The following ANO1 variants were observed in gnomAD, a reference collection of about 807,000 sequenced individuals.
ANO1 encodes anoctamin 1.
Under a neutral mutation model 124.0 loss-of-function variants are expected in ANO1, and 59 were observed. That is an observed-to-expected ratio of 0.48 (90% CI 0.39 to 0.59). The LOEUF (loss-of-function observed/expected upper bound fraction) is 0.59, where lower values mean the gene tolerates loss of function less well. Ranked by LOEUF, ANO1 falls within the 20% of genes least tolerant of loss-of-function variation. The pLI is 0.00. For missense variants in ANO1, 1,059 were observed against 1,328.0 expected (o/e 0.80, Z 3.15); for synonymous variants, 529 against 532.0 (o/e 0.99, Z 0.08).
intron 1 of ANO1, among the ~76,000 whole-genome samples, chr11:70,059,935 T>C (rs1256677201): frequency 7.3e-6 from 1 of 136,684 alleles, no homozygotes; most frequent in Non-Finnish European, 1.6e-5. Context: ...TATTAGCGGG[T>C]GTGGAGGCGT....
chr11:70,130,857 G>A (rs75444586), intron 10 of ANO1, among the ~76,000 whole-genome samples: 1,716 of 152,300 alleles, frequency 0.011, 40 homozygotes, highest in African/African-American at 0.038. Context: ...CCCAGCCCCC[G>A]TTCTCCCAGA....
At position 70,188,820 on chromosome 11, in the gene ANO1, T is replaced by C. The variant is rs1221495046; in HGVS notation, c.*816T>C. On this transcript the variant is annotated 3_prime_UTR_variant, in exon 26 of 26. Transcript: ENST00000355303. ...ATGACCTCGGAAGCATTTCCACAGA[T>C]GGTGTCAGGGTTTCAAGAAGTCTTA... The C allele has an allele frequency of 6.6e-6, 1 of 151,722 alleles. No homozygotes were observed. Among genetic ancestry groups the C allele is most frequent in the Non-Finnish European group, 1.5e-5 (1 of 67,828 alleles). 9.4% of individuals were successfully genotyped at this position (151,722 alleles called of 1,614,324 possible). A position where few individuals can be genotyped will look rare whatever the true frequency, so the allele number is the denominator to read the frequency against.
chr11:69,969,394 G>A, the ANO1 span, among the ~76,000 whole-genome samples: 3 of 152,200 alleles, frequency 2.0e-5, no homozygotes, highest in Non-Finnish European at 4.4e-5. Flanking sequence ...TCTGCACTCA[G>A]CTCTCTCTTC....
At chr11:69,979,574 G>T in the ANO1 span, among the ~76,000 whole-genome samples, 3 of 152,126 alleles carry the variant, frequency 2.0e-5, no homozygotes, top group East Asian at 3.9e-4. Context: ...CATTGCCCAG[G>T]CTCTCTGAGC....
chr11:70,183,406 C>T lies in ANO1; in HGVS notation c.2588+720C>T, dbSNP rs117227026. ...ATCCAGGGACTGAGTCTTACTGCCC[C>T]ATCTTGGGTCAGATGTCCATTCTTG... On this transcript the variant is annotated intron_variant, in intron 24 of 25. Coordinates refer to ENST00000355303, the MANE Select transcript of ANO1 (RefSeq NM_018043.7). 2.5e-3 allele frequency among the ~76,000 whole-genome samples: 375 copies of T among 152,334 alleles called. 3 individuals carry two copies. In the East Asian group the frequency reaches 0.027, roughly 11 times the overall value.
chr11:70,067,546 T>C (rs1282541169), intron 1 of ANO1, among the ~76,000 whole-genome samples: 1 of 152,222 alleles, frequency 6.6e-6, no homozygotes, highest in East Asian at 1.9e-4. Flanking sequence ...CAGGCTGGTC[T>C]TGAACTCCCG....
At chr11:70,142,340 C>T (rs2047184953) in intron 11 of ANO1, among the ~76,000 whole-genome samples, 1 of 152,284 alleles carries the variant, frequency 6.6e-6, no homozygotes, top group East Asian at 1.9e-4. Flanking sequence ...TGACAAGTCA[C>T]CCAGCTGAGT....
At position 70,027,628 on chromosome 11, in the gene ANO1, C is replaced by T. The variant is rs1392315275; in HGVS notation, c.58+41462C>T. Among the ~76,000 whole-genome samples, 12 of 152,200 alleles carry T rather than the reference C, an allele frequency of 7.9e-5. 1 individual carries two copies. Among genetic ancestry groups the T allele is most frequent in the Admixed American group, 3.9e-4 (6 of 15,288 alleles). ...AACAGGATCTCGCACACAGTAGGTC[C>T]GCAGTCTGTAATTGAATCAACAGCA... On this transcript the variant is annotated intron_variant, in intron 1 of 27. Transcript: ENST00000531349.
chr11:70,041,246 C>T (rs1857178957), intron 1 of ANO1, among the ~76,000 whole-genome samples: 1 of 152,176 alleles, frequency 6.6e-6, no homozygotes. Context: ...TTGGCAGTTG[C>T]AAACAGGAGA....
chr11:70,100,941 G>A (rs1254699563), intron 2 of ANO1, among the ~76,000 whole-genome samples: 2 of 152,240 alleles, frequency 1.3e-5, no homozygotes, highest in Admixed American at 6.5e-5. Context: ...GGAGGCCTGA[G>A]CGGTGGTGCT....
At chr11:70,067,878 T>G (rs1396476120) in intron 1 of ANO1, among the ~76,000 whole-genome samples, 3 of 152,214 alleles carry the variant, frequency 2.0e-5, no homozygotes, top group Non-Finnish European at 4.4e-5. Context: ...ACCATGACCT[T>G]TCCTCCCCTG....
At chr11:70,002,023 C>T (rs565439075) in intron 1 of ANO1, among the ~76,000 whole-genome samples, 1 of 152,194 alleles carries the variant, frequency 6.6e-6, no homozygotes, top group South Asian at 2.1e-4. Flanking sequence ...AATGACGAAC[C>T]ACATACAGAG....
rs557828940 is a variant in ANO1, at chr11:70,009,079, G to T, written c.58+22913G>T. Among the ~76,000 whole-genome samples the T allele has an allele frequency of 2.0e-5, 3 of 152,298 alleles. No individual in the cohort carries two copies. In the South Asian group the frequency reaches 6.2e-4, roughly 32 times the overall value. ...TTTAGGACCTCCACAGACATTTCCCGCATTCCTGGTCATCTGGAGACAATG... is the reference window on the plus strand; with the variant it reads ...TTTAGGACCTCCACAGACATTTCCCTCATTCCTGGTCATCTGGAGACAATG... On this transcript the variant is annotated intron_variant, in intron 1 of 27. Transcript: ENST00000531349.
intron 1 of ANO1, among the ~76,000 whole-genome samples, chr11:70,003,503 G>T (rs1306183558): frequency 6.6e-6 from 1 of 152,038 alleles, no homozygotes. Flanking sequence ...CAGGCTGCAG[G>T]AAGCTTACTC....
intron 1 of ANO1, among the ~76,000 whole-genome samples, chr11:70,038,802 C>T (rs1196068061): frequency 6.6e-6 from 1 of 152,144 alleles, no homozygotes; most frequent in Non-Finnish European, 1.5e-5. Context: ...CTCAGAGGAG[C>T]AGTAAAGTAC....
At chr11:70,003,192 C>T (rs144310726) in intron 1 of ANO1, among the ~76,000 whole-genome samples, 244 of 152,254 alleles carry the variant, frequency 1.6e-3, no homozygotes, top group African/African-American at 5.4e-3. Context: ...ATGGGAAAAT[C>T]GGCATGACCA....
chr11:70,021,098 A>G (rs1271457835), intron 1 of ANO1: 1 of 152,150 alleles, frequency 6.6e-6, no homozygotes, highest in Non-Finnish European at 1.5e-5. Context: ...CTCAGCTGCC[A>G]AGGGGGAGGA....
At chr11:70,008,777 C>T (rs1856540310) in intron 1 of ANO1, among the ~76,000 whole-genome samples, 2 of 152,082 alleles carry the variant, frequency 1.3e-5, no homozygotes, top group Non-Finnish European at 2.9e-5. Context: ...CCATGGACAC[C>T]TTACAAAGAG....
intron 1 of ANO1, among the ~76,000 whole-genome samples, chr11:70,084,071 G>A (rs2044282327): frequency 6.6e-6 from 1 of 152,128 alleles, no homozygotes; most frequent in African/African-American, 2.4e-5. Context: ...GAAGGCCTGG[G>A]GGAGGGGGAG....
Sources: gnomAD v4.1 joint callset for allele counts (sites outside exome capture counted in the v4.1 genomes callset) on GRCh38, gnomAD v4.1.1 for gene constraint, MANE v1.5 for transcripts, NCBI Gene and HGNC (gene_info 2026-07-23, HGNC 2026-07-21) for gene names.